The following ATP7B variants were observed in gnomAD, a reference collection of about 807,000 sequenced individuals.
ATP7B encodes ATPase copper transporting beta, also known as copper-transporting ATPase 2.
A neutral mutation model predicts 118.9 loss-of-function variants in ATP7B; 113 were observed. The observed-to-expected ratio is 0.95, with a 90% CI of 0.82 to 1.11. ATP7B has a LOEUF of 1.11. Among genes scored for constraint, ATP7B ranks in the 50% most tolerant of loss-of-function variants. ATP7B has a pLI of 0.00. For synonymous variants in ATP7B, 777 were observed against 727.4 expected, an observed-to-expected ratio of 1.07 and a Z score of -1.10; for missense variants, 1,867 against 1,871.4, an observed-to-expected ratio of 1.00 and a Z score of 0.04.
At position 51,941,081 on chromosome 13, in the gene ATP7B, C is replaced by G. The variant is rs786204547; in HGVS notation, c.3556G>C (p.Gly1186Arg). 6.2e-7 allele frequency: 1 copy of G among 1,614,006 alleles called. No homozygotes were observed. Among genetic ancestry groups the G allele is most frequent in the Non-Finnish European group, 8.5e-7 (1 of 1,180,028 alleles). Residue 1186 changes from glycine to arginine, a missense_variant and splice_region_variant, in exon 16 of 21, where the codon GGT (glycine) becomes CGT (arginine). By Grantham distance (125) the Gly-to-Arg change is moderately radical. Coordinates refer to ENST00000242839, the MANE Select transcript of ATP7B (RefSeq NM_000053.4). The stretch of plus-strand genomic sequence containing the variant: ...GAAGGAAGGCAGAAGCAGAAGATAC[C>G]GTCAATAGCCACCAGGATGGCTGTC... ...GQTAILVAID[G>R]VLCGMIAIAD...
chr13:51,962,542 A>G (rs573607216), intron 5 of ATP7B, among the ~76,000 whole-genome samples: 1 of 152,356 alleles, frequency 6.6e-6, no homozygotes, highest in South Asian at 2.1e-4. Context: ...AGCACAATTA[A>G]GAGAAGGGCC....
intron 7 of ATP7B, chr13:51,959,827 A>G (rs1958612848): frequency 5.1e-6 from 2 of 394,000 alleles, no homozygotes; most frequent in Admixed American, 3.8e-5. Context: ...CCTAAACAAT[A>G]TGCACATTGG....
At chr13:51,968,742 A>G in intron 3 of ATP7B, 135 bp from the exon 4 acceptor site, 1 of 1,094,038 alleles carries the variant, frequency 9.1e-7, no homozygotes, top group Non-Finnish European at 1.4e-6. Context: ...CTGTTTGAAA[A>G]TGAGGCTGCA....
chr13:51,977,812 C>T (rs1341237997), intron 1 of ATP7B, among the ~76,000 whole-genome samples: 1 of 152,058 alleles, frequency 6.6e-6, no homozygotes, highest in Non-Finnish European at 1.5e-5. Context: ...GATCACTAGG[C>T]AATAGGAATT....
At chr13:52,010,511 CTG>C (rs1380824140) in intron 1 of ATP7B, among the ~76,000 whole-genome samples, 1 of 152,212 alleles carries the variant, frequency 6.6e-6, no homozygotes, top group African/African-American at 2.4e-5. Flanking sequence ...TGCGTCCAAA[CTG>C]TGCAGAGGTT....
chr13:51,996,745 G>A (rs1953230399), intron 1 of ATP7B, among the ~76,000 whole-genome samples: 1 of 152,180 alleles, frequency 6.6e-6, no homozygotes, highest in South Asian at 2.1e-4. Context: ...GCAACACCAA[G>A]GCTGGTCCAT....
chr13:51,976,616 G>A (rs1048602447), intron 1 of ATP7B, among the ~76,000 whole-genome samples: 10 of 152,164 alleles, frequency 6.6e-5, no homozygotes, highest in South Asian at 2.1e-4. Context: ...GACCATCATA[G>A]AGTCACTTAC....
rs3742288 is a variant in ATP7B at position 51,970,842 on chromosome 13, T to G, written c.1286-93A>C. ...TTCAGGGCTCTTGGTGAGGGTTCAT[T>G]GTCCCGGCTCCCACCGAGCAGCCTC... On this transcript the variant is annotated intron_variant, in intron 2 of 20. Transcript: ENST00000242839. 632,165 of 1,363,872 alleles carry G rather than the reference T, an allele frequency of 0.46. 150,050 individuals are homozygous for G. Among genetic ancestry groups the G allele is most frequent in the Non-Finnish European group, 0.49 (484,143 of 987,466 alleles). 84.5% of individuals were successfully genotyped at this position (1,363,872 alleles called of 1,614,324 possible).
At chr13:51,996,862 G>A (rs550921234) in intron 1 of ATP7B, among the ~76,000 whole-genome samples, 1 of 152,294 alleles carries the variant, frequency 6.6e-6, no homozygotes, top group South Asian at 2.1e-4. Context: ...CCTCCAAAAT[G>A]TGTCTGGGTT....
intron 1 of ATP7B, among the ~76,000 whole-genome samples, chr13:51,980,071 C>A (rs1220773911): frequency 6.6e-6 from 1 of 152,200 alleles, no homozygotes; most frequent in Non-Finnish European, 1.5e-5. Flanking sequence ...TTCAGTTCTT[C>A]AATTAAGATG....
intron 1 of ATP7B, among the ~76,000 whole-genome samples, chr13:51,998,930 A>G (rs1472257678): frequency 6.6e-6 from 1 of 152,292 alleles, no homozygotes; most frequent in Non-Finnish European, 1.5e-5. Context: ...TCCCCAGGCC[A>G]TCCCTCCCAA....
upstream of ATP7B, chr13:52,011,948 C>T (rs1394583178): frequency 3.3e-6 from 1 of 302,726 alleles, no homozygotes; most frequent in Non-Finnish European, 6.4e-6. Flanking sequence ...GCCCCCTCCT[C>T]GGACTCTGCG....
chr13:51,970,422 G>A, intron 3 of ATP7B, 70 bp downstream of exon 3: 1 of 1,602,026 alleles, frequency 6.2e-7, no homozygotes, highest in Non-Finnish European at 8.5e-7. Flanking sequence ...CAGTTGCTGG[G>A]TATTCTGAAG....
chr13:51,972,534 C>T (rs1951892161), intron 2 of ATP7B, among the ~76,000 whole-genome samples: 1 of 152,192 alleles, frequency 6.6e-6, no homozygotes, highest in African/African-American at 2.4e-5. Flanking sequence ...CCCCATCACA[C>T]ACCCCTCTTG....
chr13:51,986,767 T>C (rs913705946), intron 1 of ATP7B, among the ~76,000 whole-genome samples: 5 of 152,174 alleles, frequency 3.3e-5, no homozygotes, highest in African/African-American at 4.8e-5. Context: ...GTTCAACACA[T>C]GCATATCAAT....
chr13:51,960,414 C>T, intron 6 of ATP7B, 92 bp from the exon 7 acceptor site: 1 of 1,476,630 alleles, frequency 6.8e-7, no homozygotes, highest in South Asian at 1.2e-5. Context: ...AGTTTAAGAC[C>T]TGCCTTTGTC....
At chr13:51,972,663 G>C (rs930421890) in intron 2 of ATP7B, among the ~76,000 whole-genome samples, 1 of 152,106 alleles carries the variant, frequency 6.6e-6, no homozygotes, top group African/African-American at 2.4e-5. Context: ...CACCACACCA[G>C]TCTTCTAAAA....
chr13:51,999,845 A>G (rs948049673), intron 1 of ATP7B, among the ~76,000 whole-genome samples: 2 of 152,082 alleles, frequency 1.3e-5, no homozygotes, highest in Non-Finnish European at 2.9e-5. Flanking sequence ...TCGCTCTCCG[A>G]GACAGTGGTC....
chr13:51,958,514 C>A lies in ATP7B; in HGVS notation c.2152G>T (p.Ala718Ser). 6.2e-7 allele frequency: 1 copy of A among 1,614,178 alleles called. No homozygotes were observed. The highest frequency in any genetic ancestry group is 1.1e-5 in the South Asian group (1 of 91,078). The change falls in exon 8 of 21, where the codon GCC becomes TCC. Residue 718 changes from alanine to serine, a missense_variant. Transcript: ENST00000242839. The part of the protein sequence containing the change: ...LLGGWYFYVQ[A>S]YKSLRHRSAN... The stretch of plus-strand genomic sequence containing the variant: ...GACCTGTGTCTCAGAGATTTGTAGG[C>A]CTGAACGTAGAAGTACCACCCACCG...
Sources: allele counts gnomAD v4.1 joint callset (sites outside exome capture counted in the v4.1 genomes callset), GRCh38; gene constraint gnomAD v4.1.1; transcripts MANE v1.5; gene names NCBI Gene and HGNC (gene_info 2026-07-23, HGNC 2026-07-21).